ST6GALNAC5: variants seen among roughly 807,000 people sequenced by gnomAD.
ST6GALNAC5 encodes the protein ST6 N-acetylgalactosaminide alpha-2,6-sialyltransferase 5.
ST6GALNAC5 carries 27 observed loss-of-function variants against 33.6 expected under a neutral mutation model. The ratio of observed to expected loss-of-function variants is 0.80; its 90% CI spans 0.59 to 1.11. The LOEUF is 1.11. Ranked by LOEUF, ST6GALNAC5 falls within the 50% of genes least tolerant of loss-of-function variation. ST6GALNAC5 has a pLI of 0.00. For synonymous variants in ST6GALNAC5, 194 were observed against 171.2 expected, an observed-to-expected ratio of 1.13 and a Z score of -1.04; for missense variants, 428 against 454.0, an observed-to-expected ratio of 0.94 and a Z score of 0.52.
chr1:76,900,219 C>A (rs970110372), intron 2 of ST6GALNAC5, among the ~76,000 whole-genome samples: 3 of 151,832 alleles, frequency 2.0e-5, no homozygotes, highest in African/African-American at 7.3e-5. Flanking sequence ...CCAGGATGAG[C>A]CAGGAGAAGG....
intron 2 of ST6GALNAC5, among the ~76,000 whole-genome samples, chr1:76,920,794 A>G (rs1332659415): frequency 1.3e-5 from 2 of 152,216 alleles, no homozygotes; most frequent in Middle Eastern, 3.2e-3. Context: ...CAAGCCAATC[A>G]GATACTCTCT....
intron 2 of ST6GALNAC5, among the ~76,000 whole-genome samples, chr1:76,974,843 C>T (rs745754988): frequency 8.9e-5 from 10 of 112,852 alleles, no homozygotes; most frequent in Non-Finnish European, 1.5e-4. Context: ...AGTGCAATAA[C>T]GTGATCTCAG....
chr1:77,003,377 A>G (rs1650255188), intron 2 of ST6GALNAC5, among the ~76,000 whole-genome samples: 1 of 147,676 alleles, frequency 6.8e-6, no homozygotes, highest in Non-Finnish European at 1.5e-5. Flanking sequence ...TTTTGAGCCT[A>G]TGTGTGTCTC....
chr1:76,867,480 A>G lies in ST6GALNAC5; in HGVS notation c.-196A>G. 1.3e-6 allele frequency: 1 copy of G among 765,386 alleles called. No homozygotes were observed. Among genetic ancestry groups the G allele is most frequent in the Non-Finnish European group, 2.2e-6 (1 of 450,054 alleles). The allele number at this position is 765,386 out of a possible 1,614,324, so 47.4% of individuals were successfully genotyped here. On this transcript the variant is annotated 5_prime_UTR_variant, in exon 1 of 5. Transcript: ENST00000477717. ...CTGAGAGACTACGAGGGTCCGGTTC[A>G]GTTTTAATTCTGTCTCTAATCTCTG...
intron 4 of ST6GALNAC5, among the ~76,000 whole-genome samples, chr1:77,051,671 T>G (rs984315318): frequency 2.6e-5 from 4 of 152,206 alleles, no homozygotes; most frequent in African/African-American, 9.6e-5. Flanking sequence ...CCTCACCCAG[T>G]GCTGCCTCAC....
At chr1:76,877,766 GTC>G (rs1167086550) in intron 2 of ST6GALNAC5, among the ~76,000 whole-genome samples, 1 of 152,212 alleles carries the variant, frequency 6.6e-6, no homozygotes, top group Non-Finnish European at 1.5e-5. Context: ...AGCAATCAAG[GTC>G]TCTCTGAATA....
intron 2 of ST6GALNAC5, among the ~76,000 whole-genome samples, chr1:77,005,664 T>C (rs1362078443): frequency 6.6e-6 from 1 of 152,214 alleles, no homozygotes; most frequent in Admixed American, 6.5e-5. Context: ...TTTATTCTCA[T>C]CCCAAATTGA....
rs1248359236 is a variant in ST6GALNAC5, at chr1:76,868,629, G to GA, written c.148_149insA (p.Ala50AspfsTer66). 3.7e-6 allele frequency: 6 copies of GA among 1,609,770 alleles called. No individual in the cohort carries two copies. In the East Asian group the frequency reaches 1.3e-4, roughly 36 times the overall value. On this transcript the variant is annotated frameshift_variant, in exon 2 of 5. Coordinates refer to ENST00000477717, the MANE Select transcript of ST6GALNAC5 (RefSeq NM_030965.3). LOFTEE classifies it high-confidence loss of function. This position sits in a 1 kb window ranked among gnomAD's most constrained non-coding sequence, Gnocchi z 4.3. Reference sequence around the variant, plus strand: ...GCAGCAGCAGCAACAGCAGCAGCAGGCGTCGGCCACCGGCAGCTCGCAGCC... The same window carrying GA: ...GCAGCAGCAGCAACAGCAGCAGCAGGACGTCGGCCACCGGCAGCTCGCAGCC...
At chr1:76,929,864 C>G (rs1766287) in intron 2 of ST6GALNAC5, among the ~76,000 whole-genome samples, 90,164 of 151,464 alleles carry the variant, frequency 0.6, 27,410 homozygotes, top group African/African-American at 0.71. Flanking sequence ...TAATCCCAGC[C>G]CTTTGGGAGG....
chr1:76,984,442 A>C (rs773803405), intron 2 of ST6GALNAC5, among the ~76,000 whole-genome samples: 2 of 152,206 alleles, frequency 1.3e-5, no homozygotes, highest in Non-Finnish European at 2.9e-5. Flanking sequence ...CTGGACACAC[A>C]CACCCTCCCA....
In ST6GALNAC5 at chr1:77,063,163, A is replaced by G; in HGVS notation, c.968A>G (p.Glu323Gly). 6.2e-7 allele frequency: 1 copy of G among 1,613,898 alleles called. No homozygotes were observed. Among genetic ancestry groups the G allele is most frequent in the Non-Finnish European group, 8.5e-7 (1 of 1,179,846 alleles). ...TTTTTTCAACCAGACTGGAAACCAG[A>G]ATCACTTGCTATAAATCATCCTGAG... ...IHFFQPDWKP[E>G]SLAINHPENK... Residue 323 changes from glutamate to glycine, a missense_variant, in exon 5 of 5, where the codon GAA (glutamate) becomes GGA (glycine). Coordinates refer to ENST00000477717, the MANE Select transcript of ST6GALNAC5 (RefSeq NM_030965.3).
rs554661975 is a variant in ST6GALNAC5 at position 77,055,209 on chromosome 1, C to A, written c.779+4844C>A. ...CAAGACCTTCAGGATAGGGCTTCTG[C>A]ATACCACTTTAGTCACATCTTCTCT... On this transcript the variant is annotated intron_variant, in intron 4 of 4. Transcript: ENST00000477717. Among the ~76,000 whole-genome samples, 5 of 152,248 alleles carry A rather than the reference C, an allele frequency of 3.3e-5. No homozygotes were observed. The East Asian group carries it at 9.7e-4, about 29-fold the overall frequency.
intron 2 of ST6GALNAC5, among the ~76,000 whole-genome samples, chr1:77,002,225 G>A (rs1010564270): frequency 2.6e-5 from 4 of 152,190 alleles, no homozygotes; most frequent in East Asian, 1.9e-4. Flanking sequence ...TTGGGAGAGT[G>A]TATGTGTCGA....
intron 2 of ST6GALNAC5, among the ~76,000 whole-genome samples, chr1:76,952,358 T>G (rs1647783363): frequency 6.6e-6 from 1 of 152,134 alleles, no homozygotes; most frequent in Admixed American, 6.6e-5. Context: ...TGTGATGGTA[T>G]TTGGAGAAGG....
intron 2 of ST6GALNAC5, among the ~76,000 whole-genome samples, chr1:76,954,612 C>T (rs1647882563): frequency 6.6e-6 from 1 of 151,980 alleles, no homozygotes; most frequent in African/African-American, 2.4e-5. Context: ...AACATAAGGG[C>T]CCAGAGGTAG....
At chr1:76,942,506 A>G (rs1393395488) in intron 2 of ST6GALNAC5, among the ~76,000 whole-genome samples, 1 of 152,080 alleles carries the variant, frequency 6.6e-6, no homozygotes, top group African/African-American at 2.4e-5. Flanking sequence ...GGAGATACTT[A>G]TCAAGCCCTG....
chr1:77,020,316 C>T (rs1418213017), intron 2 of ST6GALNAC5, among the ~76,000 whole-genome samples: 1 of 152,152 alleles, frequency 6.6e-6, no homozygotes, highest in African/African-American at 2.4e-5. Flanking sequence ...GTATTTTTAG[C>T]TTCCTTCTCA....
At position 76,888,058 on chromosome 1, in the gene ST6GALNAC5, A is replaced by G. The variant is rs372234664; in HGVS notation, c.261+19316A>G. 1.8e-4 allele frequency among the ~76,000 whole-genome samples: 28 copies of G among 152,230 alleles called. No homozygotes were observed. In the East Asian group the frequency reaches 5.4e-3, roughly 29 times the overall value. ...GGATTTAGGGCAAGGAAATGTGGAG[A>G]AGTACTTTTTCTGGAATGTGAATGG... On this transcript the variant is annotated intron_variant, in intron 2 of 4. Coordinates refer to ENST00000477717, the MANE Select transcript of ST6GALNAC5 (RefSeq NM_030965.3).
intron 2 of ST6GALNAC5, among the ~76,000 whole-genome samples, chr1:76,989,431 T>A (rs1375142122): frequency 1.3e-5 from 2 of 152,146 alleles, no homozygotes; most frequent in East Asian, 3.8e-4. Flanking sequence ...TTTGAAGGAT[T>A]TTTTTTCCTC....
Sources: allele counts gnomAD v4.1 joint callset (sites outside exome capture counted in the v4.1 genomes callset), GRCh38; gene constraint gnomAD v4.1.1; non-coding constraint Gnocchi (gnomAD v3.1); transcripts MANE v1.5; gene names NCBI Gene and HGNC (gene_info 2026-07-23, HGNC 2026-07-21).